The following CAPN8 variants were observed in gnomAD, a reference collection of about 807,000 sequenced individuals.
The protein encoded by CAPN8 is calpain 8, also known as calpain-8.
In CAPN8, 87 loss-of-function variants were observed where a neutral mutation model predicts 80.9. That is an observed-to-expected ratio of 1.07 (90% CI 0.90 to 1.28). CAPN8 has a LOEUF of 1.28. CAPN8 is among the 50% of genes most tolerant of loss of function. The pLI, the probability that CAPN8 is intolerant of heterozygous loss-of-function variation, is 0.00. For missense variants in CAPN8, 757 were observed against 702.0 expected, an observed-to-expected ratio of 1.08 and a Z score of -0.89; for synonymous variants, 299 against 273.8, an observed-to-expected ratio of 1.09 and a Z score of -0.91.
intron 3 of CAPN8, 128 bp from the exon 4 acceptor site, chr1:223,628,270 AT>A: frequency 9.1e-7 from 1 of 1,093,994 alleles, no homozygotes; most frequent in African/African-American, 1.6e-5. Context: ...GGAGCAGGAC[AT>A]GTGTCTGCCT....
chr1:223,641,268 A>T (rs1361616986), intron 2 of CAPN8, among the ~76,000 whole-genome samples: 1 of 152,158 alleles, frequency 6.6e-6, no homozygotes, highest in Non-Finnish European at 1.5e-5. Context: ...CAAAACTGCA[A>T]CTATTACATA....
At chr1:223,544,958 A>G (rs769543677) in intron 17 of CAPN8, 108 bp from the exon 18 acceptor site, 6 of 1,524,376 alleles carry the variant, frequency 3.9e-6, no homozygotes, top group Non-Finnish European at 5.3e-6. Flanking sequence ...CACTTTCAAA[A>G]GGAGACCCTA....
chr1:223,546,828 G>A (rs971091530), intron 16 of CAPN8, among the ~76,000 whole-genome samples: 2 of 152,170 alleles, frequency 1.3e-5, no homozygotes, highest in Non-Finnish European at 2.9e-5. Context: ...ATTGCTTGCA[G>A]AGACCACACC....
intron 14 of CAPN8, 76 bp from the exon 15 acceptor site, chr1:223,551,093 T>C: frequency 4.3e-6 from 3 of 696,720 alleles, no homozygotes; most frequent in Middle Eastern, 4.7e-4. Context: ...AATGCAGTGC[T>C]TCCTCACAGT....
chr1:223,626,967 G>C, intron 5 of CAPN8, 22 bp downstream of exon 5: 1 of 1,546,750 alleles, frequency 6.5e-7, no homozygotes, highest in Non-Finnish European at 8.7e-7. Context: ...AGGTGGGGCA[G>C]TAGAGAAGCC....
intron 7 of CAPN8, among the ~76,000 whole-genome samples, chr1:223,622,324 G>A (rs1657422837): frequency 6.6e-6 from 1 of 152,162 alleles, no homozygotes; most frequent in Non-Finnish European, 1.5e-5. Context: ...GTGATCAAAC[G>A]TGCCTAGGGT....
At chr1:223,651,485 A>T (rs1187575911) in intron 2 of CAPN8, among the ~76,000 whole-genome samples, 1 of 152,236 alleles carries the variant, frequency 6.6e-6, no homozygotes, top group African/African-American at 2.4e-5. Flanking sequence ...AAGTAAGCAT[A>T]AGCTCTGATG....
chr1:223,629,005 T>C, intron 2 of CAPN8: 1 of 531,030 alleles, frequency 1.9e-6, no homozygotes, highest in East Asian at 3.1e-5. Context: ...TCCCTGTGGC[T>C]GCCCCCTCCC....
At chr1:223,624,897 A>G (rs1657518025) in intron 6 of CAPN8, among the ~76,000 whole-genome samples, 1 of 152,044 alleles carries the variant, frequency 6.6e-6, no homozygotes, top group South Asian at 2.1e-4. Flanking sequence ...AATCGAGACC[A>G]TCCTGGCTGA....
At chr1:223,632,431 A>G (rs2102718396) in intron 2 of CAPN8, among the ~76,000 whole-genome samples, 2 of 152,258 alleles carry the variant, frequency 1.3e-5, no homozygotes, top group East Asian at 3.9e-4. Context: ...TGAGTGCAGT[A>G]GTGCAACCAT....
intron 2 of CAPN8, among the ~76,000 whole-genome samples, chr1:223,645,489 C>T (rs1230774666): frequency 6.6e-6 from 1 of 152,182 alleles, no homozygotes; most frequent in Non-Finnish European, 1.5e-5. Context: ...TGCTCCCAAG[C>T]AGACACGCAA....
At chr1:223,544,627 G>C in intron 18 of CAPN8, 145 bp downstream of exon 18, 1 of 1,096,988 alleles carries the variant, frequency 9.1e-7, no homozygotes, top group Non-Finnish European at 1.3e-6. Flanking sequence ...GACAGGGAAG[G>C]TACTCAACAA....
chr1:223,665,414 G>A lies in CAPN8; in HGVS notation c.233C>T (p.Pro78Leu). ...ACAGCAAGCCCGCTTCCTTACCGTGGGCCGCTTCCAGATGATGCCTTGAGT... is the reference window on the plus strand; with the variant it reads ...ACAGCAAGCCCGCTTCCTTACCGTGAGCCGCTTCCAGATGATGCCTTGAGT... Reference protein sequence around the residue: ...PQTQGIIWKRPTELCPSPQFI... With the variant: ...PQTQGIIWKRLTELCPSPQFI... The change falls in exon 1 of 21, where the codon CCC becomes CTC. Residue 78 changes from proline to leucine, a missense_variant. By Grantham distance (98) the Pro-to-Leu change is moderately conservative. Transcript: ENST00000366872. 1 of 1,550,580 alleles carries A rather than the reference G, an allele frequency of 6.4e-7. No individual in the cohort carries two copies. The highest frequency in any genetic ancestry group is 1.4e-5 in the African/African-American group (1 of 73,084).
At chr1:223,664,297 C>T (rs558578244) in intron 1 of CAPN8, among the ~76,000 whole-genome samples, 5 of 152,318 alleles carry the variant, frequency 3.3e-5, no homozygotes, top group South Asian at 2.1e-4. Context: ...CATGACCTTG[C>T]GCAACCGTGC....
rs1572223271 is a variant in CAPN8 at position 223,550,907 on chromosome 1, C to T, written c.1699+53G>A. 2.4e-5 allele frequency: 17 copies of T among 710,746 alleles called. No homozygotes were observed. In the East Asian group the frequency reaches 4.6e-4, roughly 19 times the overall value. 44.0% of individuals were successfully genotyped at this position (710,746 alleles called of 1,614,324 possible). A position where few individuals can be genotyped will look rare whatever the true frequency, so the allele number is the denominator to read the frequency against. On this transcript the variant is annotated intron_variant, in intron 15 of 20. Transcript: ENST00000366872. ...CAATGCCTGCCTACCCATCCCTCACCCTGCCCCAGCATCTCCTACGGACTT... is the reference window on the plus strand; with the variant it reads ...CAATGCCTGCCTACCCATCCCTCACTCTGCCCCAGCATCTCCTACGGACTT...
chr1:223,641,169 G>T (rs1388330154), intron 2 of CAPN8, among the ~76,000 whole-genome samples: 1 of 152,150 alleles, frequency 6.6e-6, no homozygotes, highest in Non-Finnish European at 1.5e-5. Flanking sequence ...AGCAAAAAGT[G>T]TTGCTTCCTG....
intron 1 of CAPN8, among the ~76,000 whole-genome samples, chr1:223,660,977 G>A: frequency 6.6e-6 from 1 of 152,082 alleles, no homozygotes; most frequent in Non-Finnish European, 1.5e-5. Context: ...GACCAGCCTC[G>A]CCAACATGGC....
Position 223,622,318 on chromosome 1 carries a change from T to C in CAPN8, c.899+497A>G, listed in dbSNP as rs527746747. On this transcript the variant is annotated intron_variant, in intron 7 of 20. Coordinates refer to ENST00000366872, the MANE Select transcript of CAPN8 (RefSeq NM_001143962.2). ...CAAGAGGAGTCTCTCCAGTCAGTGA[T>C]CAAACGTGCCTAGGGTAGGAGCGAG... Among the ~76,000 whole-genome samples, 32 of 152,264 alleles carry C rather than the reference T, an allele frequency of 2.1e-4. No individual in the cohort carries two copies. The East Asian group carries it at 5.8e-3, about 28-fold the overall frequency.
intron 1 of CAPN8, among the ~76,000 whole-genome samples, chr1:223,656,668 GT>G (rs1331913444): frequency 2.1e-5 from 2 of 94,798 alleles, no homozygotes; most frequent in Non-Finnish European, 4.2e-5. Flanking sequence ...CACGTTTTGG[GT>G]TTTTTTGTTT....
Sources: gnomAD v4.1 joint callset for allele counts (sites outside exome capture counted in the v4.1 genomes callset) on GRCh38, gnomAD v4.1.1 for gene constraint, MANE v1.5 for transcripts, NCBI Gene and HGNC (gene_info 2026-07-23, HGNC 2026-07-21) for gene names.